Variants in NELL2 observed in about 807,000 individuals in gnomAD.
The protein encoded by NELL2 is protein kinase C-binding protein NELL2.
A neutral mutation model predicts 109.6 loss-of-function variants in NELL2; 41 were observed. That is an observed-to-expected ratio of 0.37 (90% confidence interval 0.29 to 0.49). NELL2 has a LOEUF of 0.49. Ranked by LOEUF, NELL2 falls within the 20% of genes least tolerant of loss-of-function variation. The probability of loss-of-function intolerance (pLI) is 0.98; values close to 1 mark genes in which losing one functional copy is unlikely to be tolerated. For synonymous variants in NELL2, 355 were observed against 344.7 expected (o/e 1.03, Z -0.33); for missense variants, 900 against 1,008.3 (o/e 0.89, Z 1.45).
At position 44,665,623 on chromosome 12, in the gene NELL2, C is replaced by T. The variant is rs199523571; in HGVS notation, c.1319-14G>A. Reference sequence around the variant, plus strand: ...ACTCATCGATGTCTGTGAAGAAAAACAGGACAAAGAGGTCAACAGTGGGCA... The same window carrying T: ...ACTCATCGATGTCTGTGAAGAAAAATAGGACAAAGAGGTCAACAGTGGGCA... On this transcript the variant is annotated splice_polypyrimidine_tract_variant and intron_variant, in intron 12 of 19. Coordinates refer to ENST00000429094, the MANE Select transcript of NELL2 (RefSeq NM_001145108.2). 3.7e-5 allele frequency: 60 copies of T among 1,610,512 alleles called. 1 individual carries two copies. The African/African-American group carries it at 7.1e-4, about 19-fold the overall frequency.
At chr12:44,879,278 A>T (rs548290630), upstream of NELL2, among the ~76,000 whole-genome samples, 1 of 152,318 alleles carries the variant, frequency 6.6e-6, no homozygotes, top group South Asian at 2.1e-4. Context: ...ACTGTTTTAG[A>T]CTTCTGAACA....
chr12:44,509,508 T>G (rs1940886814), intron 19 of NELL2, among the ~76,000 whole-genome samples: 1 of 152,156 alleles, frequency 6.6e-6, no homozygotes, highest in Non-Finnish European at 1.5e-5. Flanking sequence ...AATTAGTGAA[T>G]GAGGGTAGAG....
At chr12:44,872,890 T>G (rs1945205212) in intron 2 of NELL2, among the ~76,000 whole-genome samples, 1 of 152,188 alleles carries the variant, frequency 6.6e-6, no homozygotes, top group African/African-American at 2.4e-5. Context: ...ATCTTCAGTC[T>G]GTATATTTTT....
intron 13 of NELL2, among the ~76,000 whole-genome samples, chr12:44,653,481 G>A (rs757539734): frequency 1.3e-5 from 2 of 152,080 alleles, no homozygotes; most frequent in Non-Finnish European, 1.5e-5. Flanking sequence ...GAGATTCTAC[G>A]CCATTTCCTG....
intron 1 of NELL2, among the ~76,000 whole-genome samples, chr12:44,894,216 A>T (rs1416844870): frequency 6.6e-6 from 1 of 152,220 alleles, no homozygotes; most frequent in African/African-American, 2.4e-5. Context: ...CTTTGAATGA[A>T]CATTATGTAT....
intron 13 of NELL2, among the ~76,000 whole-genome samples, chr12:44,628,945 T>A (rs896543148): frequency 6.6e-6 from 1 of 152,158 alleles, no homozygotes; most frequent in East Asian, 1.9e-4. Context: ...CTAGTGAATA[T>A]GCAGGTGAGG....
intron 2 of NELL2, among the ~76,000 whole-genome samples, chr12:44,850,937 T>C (rs1025603112): frequency 6.6e-6 from 1 of 152,036 alleles, no homozygotes; most frequent in East Asian, 1.9e-4. Context: ...GGTGAAAGAA[T>C]TAGAAGAAAC....
intron 16 of NELL2, among the ~76,000 whole-genome samples, chr12:44,525,902 C>T (rs74085078): frequency 0.079 from 12,069 of 151,920 alleles, 784 homozygotes; most frequent in African/African-American, 0.18. Context: ...AATATTTTGC[C>T]ATGCAAAGAG....
At chr12:44,668,795 G>A (rs1348829651) in intron 12 of NELL2, among the ~76,000 whole-genome samples, 2 of 152,068 alleles carry the variant, frequency 1.3e-5, no homozygotes, top group Admixed American at 6.6e-5. Context: ...CTGGGCATGT[G>A]GCTCAGAGAC....
chr12:44,871,336 CTA>C (rs1223471360), intron 2 of NELL2, among the ~76,000 whole-genome samples: 3 of 152,166 alleles, frequency 2.0e-5, no homozygotes, highest in Non-Finnish European at 4.4e-5. Flanking sequence ...TTTTAAGACA[CTA>C]TGAAATCAAA....
Position 44,667,653 on chromosome 12 carries a change from G to A in NELL2, c.1319-2044C>T, listed in dbSNP as rs578120739. ...CTCGACAGACAAGGATCATAACAGC[G>A]AGTAGATAGCCACATGTCAAATTGA... On this transcript the variant is annotated intron_variant, in intron 12 of 19. Transcript: ENST00000429094. Among the ~76,000 whole-genome samples the A allele has an allele frequency of 4.6e-5, 7 of 152,286 alleles. 1 individual carries two copies. Among genetic ancestry groups the A allele is most frequent in the African/African-American group, 1.4e-4 (6 of 41,560 alleles).
intron 15 of NELL2, among the ~76,000 whole-genome samples, chr12:44,562,441 A>T (rs2136183864): frequency 6.6e-6 from 1 of 152,356 alleles, no homozygotes; most frequent in East Asian, 1.9e-4. Flanking sequence ...AATATCCAGA[A>T]TCTACAAAGA....
chr12:44,724,868 T>C (rs1389070027), intron 9 of NELL2, among the ~76,000 whole-genome samples: 1 of 143,608 alleles, frequency 7.0e-6, no homozygotes, highest in African/African-American at 2.6e-5. Context: ...CTTCAAACTA[T>C]ACTACAAGTC....
chr12:44,551,409 A>T (rs1162159865), intron 15 of NELL2, among the ~76,000 whole-genome samples: 2 of 152,196 alleles, frequency 1.3e-5, no homozygotes, highest in Non-Finnish European at 2.9e-5. Flanking sequence ...TTATTCACTC[A>T]TGAGAATCTG....
chr12:44,699,719 C>T (rs544068370), intron 12 of NELL2, among the ~76,000 whole-genome samples: 12 of 152,194 alleles, frequency 7.9e-5, no homozygotes, highest in Admixed American at 2.6e-4. Flanking sequence ...TGAGGTTCAA[C>T]GCAAAGGACA....
intron 13 of NELL2, among the ~76,000 whole-genome samples, chr12:44,659,776 CT>C (rs989633649): frequency 9.2e-5 from 14 of 151,836 alleles, no homozygotes; most frequent in South Asian, 2.1e-4. Context: ...AGAGGAGCCC[CT>C]TTTTTTTCAA....
At chr12:44,763,684 TA>T (rs1207842385) in intron 9 of NELL2, among the ~76,000 whole-genome samples, 8 of 152,196 alleles carry the variant, frequency 5.3e-5, no homozygotes, top group African/African-American at 1.9e-4. Context: ...TAACTCCTTG[TA>T]AATCACCATC....
chr12:44,555,992 G>A (rs1282233078), intron 15 of NELL2, among the ~76,000 whole-genome samples: 2 of 152,106 alleles, frequency 1.3e-5, no homozygotes, highest in Non-Finnish European at 2.9e-5. Flanking sequence ...CCACTCTGTC[G>A]AGCACAGCAG....
chr12:44,531,075 A>G (rs1942031642), intron 16 of NELL2, among the ~76,000 whole-genome samples: 1 of 152,204 alleles, frequency 6.6e-6, no homozygotes, highest in South Asian at 2.1e-4. Flanking sequence ...AGGTATGTGT[A>G]TTTTTCTACT....
Sources: gnomAD v4.1 joint callset for allele counts (sites outside exome capture counted in the v4.1 genomes callset) on GRCh38, gnomAD v4.1.1 for gene constraint, MANE v1.5 for transcripts, NCBI Gene and HGNC (gene_info 2026-07-23, HGNC 2026-07-21) for gene names.